The following RBM4 variants were observed in gnomAD, a reference collection of about 807,000 sequenced individuals.
RBM4 encodes the protein RNA binding motif protein 4, also known as RNA-binding protein 4.
A neutral mutation model predicts 29.5 loss-of-function variants in RBM4; 7 were observed. The observed-to-expected ratio is 0.24, with a 90% CI of 0.14 to 0.45. The LOEUF is 0.45. Ranked by LOEUF, RBM4 falls within the 20% of genes least tolerant of loss-of-function variation. The pLI, the probability that RBM4 is intolerant of heterozygous loss-of-function variation, is 1.00. For synonymous variants in RBM4, 220 were observed against 205.4 expected, an observed-to-expected ratio of 1.07 and a Z score of -0.61; for missense variants, 387 against 502.3, an observed-to-expected ratio of 0.77 and a Z score of 2.19.
chr11:66,663,175 AAAC>A (rs930326170), intron 2 of RBM4, among the ~76,000 whole-genome samples: 5 of 152,338 alleles, frequency 3.3e-5, no homozygotes, highest in African/African-American at 9.6e-5. Context: ...ATGGGGATCT[AAAC>A]AAAGATAAAT....
Position 66,640,217 on chromosome 11 carries a change from C to A in RBM4, c.412+94C>A, listed in dbSNP as rs1270253566. Reference sequence around the variant, plus strand: ...AGGAGAGGTTTGGTAAAGATAACAGCTGTTGGCTGGCTGGTGATGAAGAAA... The same window carrying A: ...AGGAGAGGTTTGGTAAAGATAACAGATGTTGGCTGGCTGGTGATGAAGAAA... On this transcript the variant is annotated intron_variant, in intron 2 of 3. Coordinates refer to ENST00000310092, the MANE Select transcript of RBM4 (RefSeq NM_002896.4). The A allele has an allele frequency of 2.6e-6, 4 of 1,526,472 alleles. No homozygotes were observed. In the African/African-American group the frequency reaches 5.5e-5, roughly 21 times the overall value. 94.6% of individuals were successfully genotyped at this position (1,526,472 alleles called of 1,614,324 possible). A position where few individuals can be genotyped will look rare whatever the true frequency, so the allele number is the denominator to read the frequency against.
chr11:66,664,187 T>C (rs1455724863), intron 2 of RBM4, among the ~76,000 whole-genome samples: 2 of 149,410 alleles, frequency 1.3e-5, no homozygotes, highest in Admixed American at 6.7e-5. Flanking sequence ...TTTTTTTTTT[T>C]TTTTTGAGAT....
At position 66,645,340 on chromosome 11, in the gene RBM4, A is replaced by G. The variant is rs920910080; in HGVS notation, c.*9-687A>G. 2.0e-5 allele frequency among the ~76,000 whole-genome samples: 3 copies of G among 152,132 alleles called. No homozygotes were observed. The East Asian group carries it at 5.8e-4, about 29-fold the overall frequency. Reference sequence around the variant, plus strand: ...CAGTATGTCCCACACATTACCATTGATCCTTAATTATAGTAACTGTGTGAG... The same window carrying G: ...CAGTATGTCCCACACATTACCATTGGTCCTTAATTATAGTAACTGTGTGAG... On this transcript the variant is annotated intron_variant, in intron 3 of 3. Coordinates refer to ENST00000310092, the MANE Select transcript of RBM4 (RefSeq NM_002896.4).
chr11:66,654,252 G>A (rs1373181997), intron 2 of RBM4, among the ~76,000 whole-genome samples: 1 of 152,046 alleles, frequency 6.6e-6, no homozygotes, highest in Non-Finnish European at 1.5e-5. Flanking sequence ...AGCACTTTGG[G>A]AGGCTGAGGC....
intron 2 of RBM4, among the ~76,000 whole-genome samples, chr11:66,641,734 C>T (rs957851160): frequency 2.0e-5 from 3 of 152,074 alleles, no homozygotes; most frequent in Non-Finnish European, 2.9e-5. Context: ...GTAATATTGG[C>T]GTTTCTCATT....
intron 3 of RBM4, among the ~76,000 whole-genome samples, chr11:66,645,265 A>G (rs1938641527): frequency 6.6e-6 from 1 of 152,134 alleles, no homozygotes; most frequent in African/African-American, 2.4e-5. Flanking sequence ...GTTTGAGATT[A>G]TTGTTGTACT....
intron 2 of RBM4, among the ~76,000 whole-genome samples, chr11:66,656,202 T>C (rs1938946283): frequency 6.6e-6 from 1 of 152,000 alleles, no homozygotes; most frequent in African/African-American, 2.4e-5. Context: ...AGTGGCACAA[T>C]CTCAGCTCAC....
intron 2 of RBM4, among the ~76,000 whole-genome samples, chr11:66,661,269 GA>G (rs917654997): frequency 2.0e-5 from 3 of 152,262 alleles, no homozygotes; most frequent in Non-Finnish European, 4.4e-5. Flanking sequence ...CTCTTCCCAG[GA>G]ATATTTATTT....
At chr11:66,656,150 T>G (rs994755418) in intron 2 of RBM4, among the ~76,000 whole-genome samples, 1 of 151,974 alleles carries the variant, frequency 6.6e-6, no homozygotes, top group Non-Finnish European at 1.5e-5. Flanking sequence ...TTGTATTTTT[T>G]TTTTTAGGCG....
intron 2 of RBM4, among the ~76,000 whole-genome samples, chr11:66,661,600 GATAA>G (rs1425324307): frequency 6.6e-6 from 1 of 152,214 alleles, no homozygotes; most frequent in Non-Finnish European, 1.5e-5. Flanking sequence ...TCAAACAGTT[GATAA>G]ATGAATTCAG....
At position 66,643,434 on chromosome 11, in the gene RBM4, C is replaced by T. The variant is rs1938554353; in HGVS notation, c.413-16C>T. 3 of 1,588,584 alleles carry T rather than the reference C, an allele frequency of 1.9e-6. No individual in the cohort carries two copies. The highest frequency in any genetic ancestry group is 8.6e-7 in the Non-Finnish European group (1 of 1,164,420). ...CTAAGAGTGATAGCAACCCTTCTTG[C>T]GTCTGTTTCTTCAAGGCAAACGAAT... On this transcript the variant is annotated splice_polypyrimidine_tract_variant and intron_variant, in intron 2 of 3. Transcript: ENST00000310092. The surrounding 1 kb of genome is among the most constrained non-coding windows in gnomAD (Gnocchi z 6.1).
At chr11:66,661,138 ATTC>A (rs950262193) in intron 2 of RBM4, among the ~76,000 whole-genome samples, 17 of 152,144 alleles carry the variant, frequency 1.1e-4, no homozygotes, top group African/African-American at 3.9e-4. Context: ...CAGATTTTTC[ATTC>A]TTCTCCTGCA....
At chr11:66,653,013 CTG>C (rs1175924980) in intron 2 of RBM4, among the ~76,000 whole-genome samples, 3 of 152,198 alleles carry the variant, frequency 2.0e-5, no homozygotes, top group African/African-American at 7.2e-5. Context: ...GCTGAGTACT[CTG>C]TCCACTGGGA....
chr11:66,650,834 G>T (rs1294194465), downstream of RBM4, among the ~76,000 whole-genome samples: 1 of 152,158 alleles, frequency 6.6e-6, no homozygotes, highest in Non-Finnish European at 1.5e-5. Context: ...CTGCACTCCA[G>T]CCGGGGCAAC....
At chr11:66,644,661 A>T in intron 3 of RBM4, 1 of 983,136 alleles carries the variant, frequency 1.0e-6, no homozygotes. Flanking sequence ...GACTACCAAA[A>T]TGGCATCATC....
At chr11:66,660,832 T>G (rs1939067948) in intron 2 of RBM4, among the ~76,000 whole-genome samples, 1 of 151,894 alleles carries the variant, frequency 6.6e-6, no homozygotes, top group Non-Finnish European at 1.5e-5. Flanking sequence ...TTTTTTTGTA[T>G]TTTTAGTAGA....
downstream of RBM4, among the ~76,000 whole-genome samples, chr11:66,650,344 C>A (rs1435076605): frequency 6.6e-6 from 1 of 152,094 alleles, no homozygotes; most frequent in Non-Finnish European, 1.5e-5. Flanking sequence ...CCAAGGCAGG[C>A]AGATCACCTG....
intron 2 of RBM4, among the ~76,000 whole-genome samples, chr11:66,653,970 T>C (rs1284706928): frequency 2.0e-5 from 3 of 152,000 alleles, no homozygotes; most frequent in Non-Finnish European, 2.9e-5. Flanking sequence ...GGTGCAAGGA[T>C]CGCTTGAGCA....
chr11:66,647,701 C>G (rs1938730277), downstream of RBM4, among the ~76,000 whole-genome samples: 1 of 152,090 alleles, frequency 6.6e-6, no homozygotes, highest in Non-Finnish European at 1.5e-5. Flanking sequence ...TTCATTGATT[C>G]AACAAATATT....
Sources: gnomAD v4.1 joint callset for allele counts (sites outside exome capture counted in the v4.1 genomes callset) on GRCh38, gnomAD v4.1.1 for gene constraint, Gnocchi (gnomAD v3.1) non-coding constraint, MANE v1.5 for transcripts, NCBI Gene and HGNC (gene_info 2026-07-23, HGNC 2026-07-21) for gene names.